Variants in AURKA observed in about 807,000 individuals in gnomAD.
AURKA encodes the protein aurora 2.
A neutral mutation model predicts 40.9 loss-of-function variants in AURKA; 12 were observed. That is an observed-to-expected ratio of 0.29 (90% CI 0.19 to 0.48). AURKA has a LOEUF of 0.48. Ranked by LOEUF, AURKA falls within the 20% of genes least tolerant of loss-of-function variation. AURKA has a pLI of 0.99. For missense variants in AURKA, 322 were observed against 462.1 expected (o/e 0.70, Z 2.78); for synonymous variants, 170 against 164.3 (o/e 1.03, Z -0.26).
At chr20:56,386,863 A>C (rs1480436304) in intron 2 of AURKA, among the ~76,000 whole-genome samples, 1 of 152,240 alleles carries the variant, frequency 6.6e-6, no homozygotes, top group African/African-American at 2.4e-5. Context: ...AAAAGCTATG[A>C]TACAAAAACT....
At chr20:56,382,830 A>G (rs1235138701) in intron 5 of AURKA, among the ~76,000 whole-genome samples, 155 bp downstream of exon 5, 1 of 151,856 alleles carries the variant, frequency 6.6e-6, no homozygotes, top group Non-Finnish European at 1.5e-5. Flanking sequence ...TCTTTTTCAT[A>G]GGGGAGGGGG....
intron 6 of AURKA, among the ~76,000 whole-genome samples, chr20:56,376,822 G>A (rs994507450): frequency 1.3e-5 from 2 of 152,172 alleles, no homozygotes; most frequent in African/African-American, 4.8e-5. Flanking sequence ...GCTCATGCCT[G>A]CAATCCCAAC....
intron 6 of AURKA, among the ~76,000 whole-genome samples, chr20:56,381,088 C>T (rs1569069298): frequency 1.3e-5 from 2 of 152,046 alleles, no homozygotes; most frequent in Admixed American, 1.3e-4. Flanking sequence ...GGCAACATAA[C>T]AAGACCCTGT....
chr20:56,388,053 G>A (rs760859227), intron 2 of AURKA, 103 bp downstream of exon 2: 66 of 868,270 alleles, frequency 7.6e-5, no homozygotes, highest in Non-Finnish European at 1.2e-4. Context: ...CACAGTAAGG[G>A]ATCTAAATTT....
chr20:56,386,204 T>G, intron 3 of AURKA, 53 bp downstream of exon 3: 1 of 1,609,970 alleles, frequency 6.2e-7, no homozygotes, highest in Admixed American at 1.7e-5. Context: ...ACTGGCTTTT[T>G]TAGCAACGAC....
chr20:56,382,873 G>A, intron 5 of AURKA, 112 bp downstream of exon 5: 1 of 1,156,958 alleles, frequency 8.6e-7, no homozygotes, highest in Non-Finnish European at 1.3e-6. Flanking sequence ...TTTGAAGGCA[G>A]TGCCTCGTAA....
rs530370250 is a variant in AURKA at position 56,392,165 on chromosome 20, C to G, written c.-6+3G>C. The G allele has an allele frequency of 6.6e-6, 1 of 152,344 alleles. No individual in the cohort carries two copies. The highest frequency in any genetic ancestry group is 2.4e-5 in the African/African-American group (1 of 41,472). The allele number at this position is 152,344 out of a possible 1,614,324, so 9.4% of individuals were successfully genotyped here. On this transcript the variant is annotated splice_donor_region_variant and intron_variant, in intron 1 of 8. Coordinates refer to ENST00000395915, the MANE Select transcript of AURKA (RefSeq NM_198437.3). ...CACGGTCTACCCACCCGTCGGCTCC[C>G]ACCTGCGACCCAAGGACCCAAGTCT...
At chr20:56,380,284 G>A (rs1285493593) in intron 6 of AURKA, among the ~76,000 whole-genome samples, 1 of 151,404 alleles carries the variant, frequency 6.6e-6, no homozygotes, top group Non-Finnish European at 1.5e-5. Flanking sequence ...CAACCTGGGA[G>A]GCTGAGGTTG....
At chr20:56,386,124 C>T (rs1365214798) in intron 3 of AURKA, 133 bp downstream of exon 3, 3 of 1,294,268 alleles carry the variant, frequency 2.3e-6, no homozygotes, top group African/African-American at 2.9e-5. Flanking sequence ...TCAACCCAGA[C>T]ACCATATTTT....
chr20:56,369,918 A>T lies in AURKA; in HGVS notation c.*240T>A. On this transcript the variant is annotated 3_prime_UTR_variant, in exon 9 of 9. Coordinates refer to ENST00000395915, the MANE Select transcript of AURKA (RefSeq NM_198437.3). ...GGCTGCAGTCGAACCTTGCCTCCAG[A>T]TTATGAACCAGTATAAGTAGCACAA... 1 of 598,408 alleles carries T rather than the reference A, an allele frequency of 1.7e-6. No homozygotes were observed. Among genetic ancestry groups the T allele is most frequent in the South Asian group, 1.9e-5 (1 of 53,248 alleles). The allele number at this position is 598,408 out of a possible 1,614,324, so 37.1% of individuals were successfully genotyped here. A position where few individuals can be genotyped will look rare whatever the true frequency, so the allele number is the denominator to read the frequency against.
At chr20:56,384,449 G>GTT (rs55796874) in intron 3 of AURKA, 125 bp from the exon 4 acceptor site, 639 of 563,392 alleles carry the variant, frequency 1.1e-3, no homozygotes, top group South Asian at 3.5e-3. Context: ...TGATAAATCT[G>GTT]TTTTTTTTTT....
In AURKA at chr20:56,381,554, C is replaced by G; in HGVS notation, c.584G>C (p.Arg195Thr). The G allele has an allele frequency of 7.4e-6, 12 of 1,613,810 alleles. No homozygotes were observed. Among genetic ancestry groups the G allele is most frequent in the Non-Finnish European group, 1.0e-5 (12 of 1,179,912 alleles). The change falls in exon 6 of 9, where the codon AGA becomes ACA. Residue 195 changes from arginine to threonine, a missense_variant. Transcript: ENST00000395915. ...QSHLRHPNIL[R>T]LYGYFHDATR... ...AGCATCATGGAAATAACCATACAGT[C>G]TAAGAATATTAGGATGCCTGCAACA...
intron 5 of AURKA, 58 bp from the exon 6 acceptor site, chr20:56,381,629 C>G (rs1442033555): frequency 6.3e-7 from 1 of 1,599,666 alleles, no homozygotes; most frequent in Non-Finnish European, 8.5e-7. Context: ...AGACTATGTA[C>G]AAAATGTCAA....
At chr20:56,382,951 G>GA (rs1361596066) in intron 5 of AURKA, 34 bp downstream of exon 5, 1 of 1,610,222 alleles carries the variant, frequency 6.2e-7, no homozygotes, top group South Asian at 1.1e-5. Context: ...CAGCATTGGT[G>GA]AACATTCTTT....
intron 3 of AURKA, among the ~76,000 whole-genome samples, chr20:56,384,778 T>C (rs1225469325): frequency 6.6e-6 from 1 of 152,152 alleles, no homozygotes; most frequent in Non-Finnish European, 1.5e-5. Context: ...CCACCCTCCA[T>C]TTATATTAGC....
intron 1 of AURKA, among the ~76,000 whole-genome samples, chr20:56,389,821 C>A (rs180675944): frequency 6.6e-6 from 1 of 152,292 alleles, no homozygotes; most frequent in South Asian, 2.1e-4. Context: ...GGTTCTCTCT[C>A]GCAAACCCTT....
At chr20:56,386,675 A>T in intron 2 of AURKA, 142 bp from the exon 3 acceptor site, 1 of 919,398 alleles carries the variant, frequency 1.1e-6, no homozygotes, top group Non-Finnish European at 1.7e-6. Context: ...AGGTATTTTA[A>T]TCAGTACCTC....
chr20:56,386,918 C>G (rs943779986), intron 2 of AURKA, among the ~76,000 whole-genome samples: 2 of 147,286 alleles, frequency 1.4e-5, no homozygotes, highest in Non-Finnish European at 3.0e-5. Context: ...TGATAATATA[C>G]GTTTAAGAAA....
chr20:56,381,982 G>A (rs1034592698), intron 5 of AURKA, among the ~76,000 whole-genome samples: 7 of 152,098 alleles, frequency 4.6e-5, no homozygotes, highest in African/African-American at 1.4e-4. Flanking sequence ...TGGCCAACAT[G>A]GTGAAACCTC....
Sources: gnomAD v4.1 joint callset for allele counts (sites outside exome capture counted in the v4.1 genomes callset) on GRCh38, gnomAD v4.1.1 for gene constraint, MANE v1.5 for transcripts, NCBI Gene and HGNC (gene_info 2026-07-23, HGNC 2026-07-21) for gene names.